The following KLF7 variants were observed in gnomAD, a reference collection of about 807,000 sequenced individuals.
KLF7 encodes Krueppel-like factor 7.
Under a neutral mutation model 27.3 loss-of-function variants are expected in KLF7, and 2 were observed. That is an observed-to-expected ratio of 0.07 (90% CI 0.03 to 0.23). The LOEUF is 0.23. Among genes scored for constraint, KLF7 ranks in the 10% least tolerant of loss-of-function variants. The pLI is 1.00. For synonymous variants in KLF7, 165 were observed against 162.4 expected (o/e 1.02, Z -0.12); for missense variants, 221 against 394.1 (o/e 0.56, Z 3.72).
In KLF7 at chr2:207,088,243, T is replaced by C. The variant is rs76908335; in HGVS notation, c.857+215A>G. On this transcript the variant is annotated intron_variant, in intron 3 of 3. Transcript: ENST00000309446. ...CTCAAAGCTAGTGTTCTGTAAATGC[T>C]TGTGTAACTGAACCAAGAATTCACA... Among the ~76,000 whole-genome samples the C allele has an allele frequency of 1.5e-3, 228 of 152,322 alleles. 1 individual carries two copies. Among genetic ancestry groups the C allele is most frequent in the African/African-American group, 5.2e-3 (216 of 41,576 alleles).
At chr2:207,100,793 C>T (rs2076749046) in intron 2 of KLF7, among the ~76,000 whole-genome samples, 1 of 152,178 alleles carries the variant, frequency 6.6e-6, no homozygotes, top group Non-Finnish European at 1.5e-5. Flanking sequence ...ATCCCTTGCC[C>T]TGCTTCTCCC....
chr2:207,138,956 T>A (rs1432967081), intron 1 of KLF7, among the ~76,000 whole-genome samples: 1 of 152,222 alleles, frequency 6.6e-6, no homozygotes. Context: ...TCCTTGCGTG[T>A]GCTTTTTTGG....
At chr2:207,101,169 G>T (rs1210730251) in intron 2 of KLF7, among the ~76,000 whole-genome samples, 4 of 152,230 alleles carry the variant, frequency 2.6e-5, no homozygotes, top group African/African-American at 9.7e-5. Context: ...GGCAATGAAA[G>T]AAATAGTCTC....
intron 2 of KLF7, among the ~76,000 whole-genome samples, chr2:207,110,830 G>C (rs573195392): frequency 6.6e-6 from 1 of 152,312 alleles, no homozygotes; most frequent in African/African-American, 2.4e-5. Context: ...TGGTGGGTAG[G>C]TCATCTTAAA....
At chr2:207,134,404 T>C (rs980419609) in intron 1 of KLF7, among the ~76,000 whole-genome samples, 3 of 152,064 alleles carry the variant, frequency 2.0e-5, no homozygotes, top group Non-Finnish European at 2.9e-5. Flanking sequence ...CGGTGGCAGA[T>C]GCAATTTAGT....
upstream of KLF7, among the ~76,000 whole-genome samples, chr2:207,168,811 AC>A (rs1218534472): frequency 6.6e-6 from 1 of 152,186 alleles, no homozygotes; most frequent in Non-Finnish European, 1.5e-5. Flanking sequence ...TACTTTTTAT[AC>A]CCTAGAGACC....
At chr2:207,103,579 T>C (rs1020176139) in intron 2 of KLF7, among the ~76,000 whole-genome samples, 2 of 152,188 alleles carry the variant, frequency 1.3e-5, no homozygotes. Context: ...TCCAGAAAGG[T>C]TGTCAGAGTT....
intron 2 of KLF7, among the ~76,000 whole-genome samples, chr2:207,108,034 T>C (rs922042291): frequency 2.6e-5 from 4 of 152,212 alleles, no homozygotes; most frequent in African/African-American, 9.6e-5. Flanking sequence ...CTTGTGGTAA[T>C]TGATCCCACA....
At chr2:207,133,036 C>T (rs1293200438) in intron 1 of KLF7, among the ~76,000 whole-genome samples, 1 of 152,194 alleles carries the variant, frequency 6.6e-6, no homozygotes, top group African/African-American at 2.4e-5. Flanking sequence ...CTCACTATTA[C>T]TTGGCCACTG....
At chr2:207,114,541 A>G (rs539935032) in intron 2 of KLF7, among the ~76,000 whole-genome samples, 28 of 152,328 alleles carry the variant, frequency 1.8e-4, no homozygotes, top group Admixed American at 9.8e-4. Flanking sequence ...GCTCTTCTAC[A>G]CTCAAATATG....
chr2:207,132,998 A>AACT, intron 1 of KLF7, among the ~76,000 whole-genome samples: 1 of 152,218 alleles, frequency 6.6e-6, no homozygotes, highest in Admixed American at 6.5e-5. Context: ...CTCTACCCAC[A>AACT]GTTGCAGAGA....
rs536844887 is a variant in KLF7 at position 207,074,951 on chromosome 2, G to A, written c.*6262C>T. On this transcript the variant is annotated 3_prime_UTR_variant, in exon 4 of 4. Coordinates refer to ENST00000309446, the MANE Select transcript of KLF7 (RefSeq NM_003709.4). ...CACACACACACACAACTTCCCAAAC[G>A]AAGATAACCTAATACAACCTTTTGC... 1.2e-4 allele frequency: 19 copies of A among 152,016 alleles called. No individual in the cohort carries two copies. Among genetic ancestry groups the A allele is most frequent in the Admixed American group, 7.2e-4 (11 of 15,258 alleles). The allele number at this position is 152,016 out of a possible 1,614,324, so 9.4% of individuals were successfully genotyped here.
intron 1 of KLF7, among the ~76,000 whole-genome samples, chr2:207,145,957 G>A (rs1335357213): frequency 2.0e-5 from 3 of 152,168 alleles, no homozygotes; most frequent in Non-Finnish European, 1.5e-5. Context: ...AAATTATAGC[G>A]ATGAAATTGA....
intron 1 of KLF7, among the ~76,000 whole-genome samples, chr2:207,143,469 T>C (rs1026310215): frequency 6.6e-5 from 10 of 152,194 alleles, no homozygotes; most frequent in Admixed American, 6.5e-4. Flanking sequence ...CTCAAGTATT[T>C]TGTCAGTTGA....
intron 2 of KLF7, among the ~76,000 whole-genome samples, chr2:207,098,158 T>A (rs1300324724): frequency 6.6e-6 from 1 of 152,204 alleles, no homozygotes; most frequent in African/African-American, 2.4e-5. Context: ...TTGTCCATTT[T>A]ACTTTGTTTT....
chr2:207,114,088 A>C (rs906186876), intron 2 of KLF7, among the ~76,000 whole-genome samples: 1 of 152,240 alleles, frequency 6.6e-6, no homozygotes, highest in Non-Finnish European at 1.5e-5. Context: ...AAAAAAATTT[A>C]ATACATACCG....
chr2:207,118,493 AAT>A (rs2077249051), intron 2 of KLF7, among the ~76,000 whole-genome samples: 1 of 152,196 alleles, frequency 6.6e-6, no homozygotes, highest in Non-Finnish European at 1.5e-5. Flanking sequence ...ATTTCCTCTT[AAT>A]AACAGGTTAC....
chr2:207,173,425 T>A, the KLF7 span, among the ~76,000 whole-genome samples: 1 of 152,028 alleles, frequency 6.6e-6, no homozygotes, highest in Non-Finnish European at 1.5e-5. Context: ...TTTTTGTGAG[T>A]TTAATTAGCA....
chr2:207,101,892 A>C (rs2076773274), intron 2 of KLF7, among the ~76,000 whole-genome samples: 1 of 152,208 alleles, frequency 6.6e-6, no homozygotes, highest in African/African-American at 2.4e-5. Context: ...CTTTAAGGGC[A>C]GAGGCCAGGC....
Sources: allele counts gnomAD v4.1 joint callset (sites outside exome capture counted in the v4.1 genomes callset), GRCh38; gene constraint gnomAD v4.1.1; transcripts MANE v1.5; gene names NCBI Gene and HGNC (gene_info 2026-07-23, HGNC 2026-07-21).